The following ZBTB44 variants were observed in gnomAD, a reference collection of about 807,000 sequenced individuals.
ZBTB44 encodes zinc finger and BTB domain-containing protein 44.
ZBTB44 carries 15 observed loss-of-function variants against 54.0 expected under a neutral mutation model. That is an observed-to-expected ratio of 0.28 (90% CI 0.19 to 0.43). ZBTB44 has a LOEUF of 0.43. Ranked by LOEUF, ZBTB44 falls within the 20% of genes least tolerant of loss-of-function variation. The pLI, the probability that ZBTB44 is intolerant of heterozygous loss-of-function variation, is 1.00. For missense variants in ZBTB44, 487 were observed against 707.1 expected (o/e 0.69, Z 3.53); for synonymous variants, 230 against 250.1 (o/e 0.92, Z 0.76).
chr11:130,268,237 G>C (rs1939404283), intron 1 of ZBTB44, among the ~76,000 whole-genome samples: 1 of 133,590 alleles, frequency 7.5e-6, no homozygotes, highest in Non-Finnish European at 1.5e-5. Context: ...AAAAAAAAAA[G>C]CGGGGGGTGG....
intron 2 of ZBTB44, among the ~76,000 whole-genome samples, chr11:130,253,176 C>T (rs1320479229): frequency 6.6e-6 from 1 of 152,196 alleles, no homozygotes; most frequent in Non-Finnish European, 1.5e-5. Context: ...CCCTTTCTCA[C>T]TCACCACTCC....
At chr11:130,239,070 A>G (rs1954240136) in intron 3 of ZBTB44, 1 of 155,204 alleles carries the variant, frequency 6.4e-6, no homozygotes, top group African/African-American at 2.4e-5. Context: ...TAGGGTGGCT[A>G]CAGTACAGAT....
intron 1 of ZBTB44, among the ~76,000 whole-genome samples, chr11:130,307,424 C>CA (rs35105255): frequency 0.019 from 2,678 of 137,572 alleles, 31 homozygotes; most frequent in Middle Eastern, 0.068. Flanking sequence ...GACTCTGTCT[C>CA]AAAAAAAAAA....
intron 2 of ZBTB44, among the ~76,000 whole-genome samples, chr11:130,240,146 AT>A (rs1954298634): frequency 6.8e-6 from 1 of 147,608 alleles, no homozygotes; most frequent in South Asian, 2.1e-4. Context: ...GGTTTACGCC[AT>A]TCTCCTGCCT....
At chr11:130,269,695 T>C (rs981661080) in intron 1 of ZBTB44, among the ~76,000 whole-genome samples, 1 of 152,178 alleles carries the variant, frequency 6.6e-6, no homozygotes, top group African/African-American at 2.4e-5. Flanking sequence ...TGGTTTAAGT[T>C]AGACAAATCT....
rs1591911913 is a variant in ZBTB44 at position 130,230,813 on chromosome 11, C to T, written c.*951G>A. The T allele has an allele frequency of 1.3e-5, 2 of 152,156 alleles. No homozygotes were observed. Among genetic ancestry groups the T allele is most frequent in the Middle Eastern group, 6.8e-3 (2 of 292 alleles). The allele number at this position is 152,156 out of a possible 1,614,324, so 9.4% of individuals were successfully genotyped here. The stretch of plus-strand genomic sequence containing the variant: ...GATGCTTCCACTATTAGAATATACC[C>T]TTTAAACACGAAAAGAACAACTGCA... On this transcript the variant is annotated 3_prime_UTR_variant, in exon 8 of 8. Transcript: ENST00000357899.
chr11:130,250,610 G>A (rs1164162407), intron 2 of ZBTB44, among the ~76,000 whole-genome samples: 2 of 152,222 alleles, frequency 1.3e-5, no homozygotes, highest in Admixed American at 1.3e-4. Context: ...CTGTTCTGCA[G>A]CCTCCGCTGG....
rs1953805790 is a variant in ZBTB44, at chr11:130,229,756, A to C, written c.*2008T>G. The stretch of plus-strand genomic sequence containing the variant: ...CATTCATCTCTCAATAACTTTCAAA[A>C]TCTAAATATATTACAAATAAAGCAT... On this transcript the variant is annotated 3_prime_UTR_variant, in exon 8 of 8. Transcript: ENST00000357899. 2 of 152,162 alleles carry C rather than the reference A, an allele frequency of 1.3e-5. No individual in the cohort carries two copies. The allele number at this position is 152,162 out of a possible 1,614,324, so 9.4% of individuals were successfully genotyped here.
intron 2 of ZBTB44, among the ~76,000 whole-genome samples, chr11:130,247,075 C>T (rs867453628): frequency 3.9e-5 from 6 of 152,222 alleles, no homozygotes; most frequent in South Asian, 4.2e-4. Context: ...TTCCTTGAAC[C>T]CTCCCTAATG....
chr11:130,264,833 A>C (rs2136461229), intron 1 of ZBTB44, among the ~76,000 whole-genome samples: 1 of 152,308 alleles, frequency 6.6e-6, no homozygotes, highest in South Asian at 2.1e-4. Context: ...GTTTTTTACA[A>C]ATTGGAAATT....
At chr11:130,298,841 AC>A (rs1736934132) in intron 1 of ZBTB44, among the ~76,000 whole-genome samples, 1 of 151,828 alleles carries the variant, frequency 6.6e-6, no homozygotes, top group Non-Finnish European at 1.5e-5. Context: ...AGACACACAC[AC>A]ACACACACAC....
At position 130,254,785 on chromosome 11, in the gene ZBTB44, T is replaced by C. The variant is rs994480720; in HGVS notation, c.1018+6071A>G. Among the ~76,000 whole-genome samples the C allele has an allele frequency of 4.6e-5, 7 of 152,326 alleles. No individual in the cohort carries two copies. The South Asian group carries it at 6.2e-4, about 14-fold the overall frequency. The stretch of plus-strand genomic sequence containing the variant: ...AAAGACACGTGCACACGTATGTTTA[T>C]TGTGGCACTATTCACAATAGCAAAG... On this transcript the variant is annotated intron_variant, in intron 2 of 7. Transcript: ENST00000357899.
At chr11:130,278,942 A>C (rs1940304861) in intron 1 of ZBTB44, among the ~76,000 whole-genome samples, 1 of 152,150 alleles carries the variant, frequency 6.6e-6, no homozygotes, top group South Asian at 2.1e-4. Context: ...CAGGCAGTTT[A>C]TAAGGTCTGC....
intron 1 of ZBTB44, among the ~76,000 whole-genome samples, chr11:130,274,082 T>C (rs760230665): frequency 9.9e-5 from 15 of 151,458 alleles, no homozygotes; most frequent in Non-Finnish European, 1.6e-4. Flanking sequence ...AGCAAGATTG[T>C]CTCAAATAAA....
intron 2 of ZBTB44, among the ~76,000 whole-genome samples, chr11:130,252,927 G>A (rs953410762): frequency 1.3e-5 from 2 of 152,050 alleles, no homozygotes; most frequent in East Asian, 1.9e-4. Flanking sequence ...ATCAATAAAC[G>A]TAATCCAGCA....
At chr11:130,283,187 G>A (rs534324055) in intron 1 of ZBTB44, among the ~76,000 whole-genome samples, 22 of 151,994 alleles carry the variant, frequency 1.4e-4, no homozygotes, top group African/African-American at 4.6e-4. Flanking sequence ...TGGGATAACA[G>A]GTGTACGGGA....
chr11:130,284,969 T>C (rs1940841260), intron 1 of ZBTB44: 1 of 152,954 alleles, frequency 6.5e-6, no homozygotes, highest in Non-Finnish European at 1.5e-5. Flanking sequence ...CTTCTTTTCT[T>C]TGTGAAAATC....
intron 1 of ZBTB44, among the ~76,000 whole-genome samples, chr11:130,302,976 A>G (rs1942066691): frequency 6.6e-6 from 1 of 152,212 alleles, no homozygotes; most frequent in Admixed American, 6.5e-5. Context: ...ACTCCATCAC[A>G]CACACCCACA....
intron 1 of ZBTB44, chr11:130,296,285 A>G (rs929289425): frequency 6.7e-7 from 1 of 1,488,768 alleles, no homozygotes; most frequent in African/African-American, 1.4e-5. Context: ...CTGAAAAGAG[A>G]TTCCTTCTGC....
Sources: gnomAD v4.1 joint callset for allele counts (sites outside exome capture counted in the v4.1 genomes callset) on GRCh38, gnomAD v4.1.1 for gene constraint, MANE v1.5 for transcripts, NCBI Gene and HGNC (gene_info 2026-07-23, HGNC 2026-07-21) for gene names.